The following STARD13 variants were observed in gnomAD, a reference collection of about 807,000 sequenced individuals.
The protein encoded by STARD13 is stAR-related lipid transfer protein 13.
Under a neutral mutation model 106.4 loss-of-function variants are expected in STARD13, and 62 were observed. That is an observed-to-expected ratio of 0.58 (90% CI 0.48 to 0.72). STARD13 has a LOEUF of 0.72. Among genes scored for constraint, STARD13 ranks in the 30% least tolerant of loss-of-function variants. STARD13 has a pLI of 0.00. For synonymous variants in STARD13, 565 were observed against 553.0 expected, an observed-to-expected ratio of 1.02 and a Z score of -0.31; for missense variants, 1,387 against 1,424.0, an observed-to-expected ratio of 0.97 and a Z score of 0.42.
chr13:33,350,174 G>A, intron 1 of STARD13: 5 of 1,309,180 alleles, frequency 3.8e-6, no homozygotes, highest in Non-Finnish European at 4.9e-6. Context: ...CCCCGGCCTT[G>A]GGCTCTGAAA....
chr13:33,184,586 A>G (rs1449312956), intron 1 of STARD13, among the ~76,000 whole-genome samples: 6 of 152,224 alleles, frequency 3.9e-5, no homozygotes, highest in Non-Finnish European at 8.8e-5. Context: ...GTCTCATTAC[A>G]TCTCAAAGCC....
the STARD13 span, among the ~76,000 whole-genome samples, chr13:33,564,137 G>A: frequency 7.0e-6 from 1 of 143,042 alleles, no homozygotes; most frequent in Non-Finnish European, 1.5e-5. Flanking sequence ...GAACCTGGGA[G>A]GCAGAGGTTG....
At chr13:33,668,659 G>A in the STARD13 span, among the ~76,000 whole-genome samples, 5 of 152,230 alleles carry the variant, frequency 3.3e-5, no homozygotes, top group African/African-American at 1.2e-4. Flanking sequence ...TGAGTGAGAA[G>A]ATGAGTGAAA....
the STARD13 span, among the ~76,000 whole-genome samples, chr13:33,671,612 C>G: frequency 1.3e-5 from 2 of 152,044 alleles, no homozygotes; most frequent in Admixed American, 1.3e-4. Context: ...TACTTTTATT[C>G]CCAGCTACTT....
At chr13:33,508,099 T>A in the STARD13 span, among the ~76,000 whole-genome samples, 39 of 152,270 alleles carry the variant, frequency 2.6e-4, no homozygotes, top group South Asian at 2.7e-3. Flanking sequence ...TTGCCTAAGG[T>A]AGGGAATACA....
At chr13:33,240,288 T>G (rs906635205) in intron 1 of STARD13, among the ~76,000 whole-genome samples, 3 of 152,168 alleles carry the variant, frequency 2.0e-5, no homozygotes, top group Non-Finnish European at 4.4e-5. Flanking sequence ...TTACTGAAGC[T>G]TAGTAACATG....
the STARD13 span, among the ~76,000 whole-genome samples, chr13:33,506,365 C>A: frequency 0.3 from 45,357 of 151,998 alleles, 7,650 homozygotes; most frequent in Non-Finnish European, 0.39. Flanking sequence ...GTTTGGCAGA[C>A]ATTTTCTCAA....
At chr13:33,455,326 T>G in the STARD13 span, among the ~76,000 whole-genome samples, 1 of 152,148 alleles carries the variant, frequency 6.6e-6, no homozygotes, top group African/African-American at 2.4e-5. Flanking sequence ...ACTAAGAGAA[T>G]TTGAGAGAGG....
the STARD13 span, among the ~76,000 whole-genome samples, chr13:33,447,146 C>T: frequency 6.6e-6 from 1 of 152,154 alleles, no homozygotes; most frequent in Non-Finnish European, 1.5e-5. Context: ...CATTCTAAAA[C>T]AAGGATCCAA....
At chr13:33,363,929 T>C in the STARD13 span, among the ~76,000 whole-genome samples, 1 of 152,194 alleles carries the variant, frequency 6.6e-6, no homozygotes, top group African/African-American at 2.4e-5. Flanking sequence ...TGTTGAAATA[T>C]TTAGCATTAA....
the STARD13 span, among the ~76,000 whole-genome samples, chr13:33,650,164 A>ATTTTTTTTTTT: frequency 4.1e-5 from 2 of 48,374 alleles, no homozygotes; most frequent in African/African-American, 1.6e-4. Context: ...CGTGACTCCA[A>ATTTTTTTTTTT]TTTTTTTTTT....
At chr13:33,446,512 A>G in the STARD13 span, among the ~76,000 whole-genome samples, 147 of 152,240 alleles carry the variant, frequency 9.7e-4, no homozygotes, top group South Asian at 3.1e-3. Flanking sequence ...CTGATTTCCT[A>G]TAGATCTGAG....
intron 1 of STARD13, chr13:33,277,298 A>C (rs1476920406): frequency 6.6e-6 from 1 of 152,154 alleles, no homozygotes; most frequent in Non-Finnish European, 1.5e-5. Context: ...TCTCTTTGCC[A>C]GCAGGAGGAA....
chr13:33,285,781 A>C, upstream of STARD13: 1 of 1,458,446 alleles, frequency 6.9e-7, no homozygotes, highest in Non-Finnish European at 9.0e-7. Context: ...TGCCAAAGCC[A>C]CAACTCAGAA....
At chr13:33,598,288 A>G in the STARD13 span, among the ~76,000 whole-genome samples, 1 of 152,206 alleles carries the variant, frequency 6.6e-6, no homozygotes, top group Non-Finnish European at 1.5e-5. Context: ...AATGTTCTCC[A>G]GGAACATTCA....
At chr13:33,491,619 TA>T in the STARD13 span, among the ~76,000 whole-genome samples, 1 of 152,198 alleles carries the variant, frequency 6.6e-6, no homozygotes, top group Non-Finnish European at 1.5e-5. Flanking sequence ...GATCTCTGTC[TA>T]AAACCACTTC....
At chr13:33,545,313 T>G in the STARD13 span, among the ~76,000 whole-genome samples, 6 of 152,140 alleles carry the variant, frequency 3.9e-5, no homozygotes, top group African/African-American at 1.4e-4. Context: ...GCCAGGATGA[T>G]CTCGATCTCC....
At chr13:33,156,604 T>G (rs146544161) in intron 3 of STARD13, among the ~76,000 whole-genome samples, 40 of 152,290 alleles carry the variant, frequency 2.6e-4, no homozygotes, top group Admixed American at 9.2e-4. Flanking sequence ...TAGCTGTTAG[T>G]GGGCACATTC....
chr13:33,433,097 A>C, the STARD13 span, among the ~76,000 whole-genome samples: 5 of 152,340 alleles, frequency 3.3e-5, no homozygotes, highest in Admixed American at 3.3e-4. Context: ...ATTGACAACA[A>C]ATGGCTTTGA....
Sources: gnomAD v4.1 joint callset for allele counts (sites outside exome capture counted in the v4.1 genomes callset) on GRCh38, gnomAD v4.1.1 for gene constraint, MANE v1.5 for transcripts, NCBI Gene and HGNC (gene_info 2026-07-23, HGNC 2026-07-21) for gene names.